Variants in BICC1 observed in about 807,000 individuals in gnomAD.
The protein encoded by BICC1 is BicC family RNA binding protein 1.
A neutral mutation model predicts 111.0 loss-of-function variants in BICC1; 43 were observed. The ratio of observed to expected loss-of-function variants is 0.39; its 90% CI spans 0.30 to 0.50. The LOEUF (loss-of-function observed/expected upper bound fraction) is 0.50. Among genes scored for constraint, BICC1 ranks in the 20% least tolerant of loss-of-function variants. The probability of loss-of-function intolerance (pLI) is 0.88; values close to 1 mark genes in which losing one functional copy is unlikely to be tolerated. For missense variants in BICC1, 1,091 were observed against 1,203.2 expected (o/e 0.91, Z 1.38); for synonymous variants, 467 against 434.4 (o/e 1.07, Z -0.93).
intron 2 of BICC1, among the ~76,000 whole-genome samples, chr10:58,632,068 C>T (rs987974924): frequency 1.3e-5 from 2 of 152,154 alleles, no homozygotes; most frequent in East Asian, 1.9e-4. Flanking sequence ...TGATAGTTTT[C>T]GGTATGTAGT....
chr10:58,578,557 G>A lies in BICC1; in HGVS notation c.191-42298G>A, dbSNP rs1380278746. 2.0e-5 allele frequency among the ~76,000 whole-genome samples: 3 copies of A among 152,198 alleles called. No homozygotes were observed. The East Asian group carries it at 5.8e-4, about 29-fold the overall frequency. On this transcript the variant is annotated intron_variant, in intron 1 of 20. Transcript: ENST00000373886. ...TCCTAAAACAATAACCCACATTCCT[G>A]CCTTAGTAAGCACAGTGGATATGAT... is the stretch of plus-strand genomic sequence containing the variant.
At chr10:58,696,039 A>G (rs983868878) in intron 2 of BICC1, among the ~76,000 whole-genome samples, 5 of 152,192 alleles carry the variant, frequency 3.3e-5, no homozygotes, top group African/African-American at 9.6e-5. Context: ...TAATTACAAA[A>G]AATTTGTAAT....
intron 1 of BICC1, among the ~76,000 whole-genome samples, chr10:58,575,167 G>A (rs1844072861): frequency 6.6e-6 from 1 of 151,918 alleles, no homozygotes; most frequent in Non-Finnish European, 1.5e-5. Flanking sequence ...TTGTCCTAAT[G>A]CTCTTCCCTC....
In BICC1 at chr10:58,761,205, A is replaced by G. The variant is rs1023416195; in HGVS notation, c.308-23796A>G. On this transcript the variant is annotated intron_variant, in intron 3 of 20. Coordinates refer to ENST00000373886, the MANE Select transcript of BICC1 (RefSeq NM_001080512.3). ...CAGAATGACAAGTTTGTGTGAAAGT[A>G]CATGATGCTAAGATACAGATGAAGG... Among the ~76,000 whole-genome samples, 4 of 152,170 alleles carry G rather than the reference A, an allele frequency of 2.6e-5. 1 individual carries two copies. The highest frequency in any genetic ancestry group is 6.5e-5 in the Admixed American group (1 of 15,280).
At chr10:58,762,881 C>G (rs374509441) in intron 3 of BICC1, among the ~76,000 whole-genome samples, 1 of 151,394 alleles carries the variant, frequency 6.6e-6, no homozygotes, top group Non-Finnish European at 1.5e-5. Context: ...GCAATTTCAT[C>G]GTAACACAAA....
At chr10:58,787,875 A>G (rs1271283402) in intron 5 of BICC1, among the ~76,000 whole-genome samples, 3 of 152,196 alleles carry the variant, frequency 2.0e-5, no homozygotes. Flanking sequence ...GCCAAGACTA[A>G]CACCTTGAGT....
rs1031435355 is a variant in BICC1 at position 58,830,677 on chromosome 10, A to G, written c.*1786A>G. ...TAATGGGCCTGTCATAAAATTATCA[A>G]TTATAACTGGCACCGAGGGACTGCC... On this transcript the variant is annotated 3_prime_UTR_variant, in exon 21 of 21. Transcript: ENST00000373886. 4.6e-5 allele frequency: 7 copies of G among 152,162 alleles called. No individual in the cohort carries two copies. Among genetic ancestry groups the G allele is most frequent in the Admixed American group, 2.6e-4 (4 of 15,270 alleles). 9.4% of individuals were successfully genotyped at this position (152,162 alleles called of 1,614,324 possible).
At chr10:58,643,263 CTTATGTGACAGCTGTATGTGT>C (rs886610839) in intron 2 of BICC1, among the ~76,000 whole-genome samples, 1 of 152,174 alleles carries the variant, frequency 6.6e-6, no homozygotes, top group Non-Finnish European at 1.5e-5. Context: ...AATACTCTTG[CTTATGTGACAGCTGTATGTGT>C]CCAAGAGCAT....
rs767545140 is a variant in BICC1, at chr10:58,789,378, A to G, written c.717A>G (p.Val239=). 4.3e-6 allele frequency: 7 copies of G among 1,614,144 alleles called. 1 individual carries two copies. In the South Asian group the frequency reaches 5.5e-5, roughly 13 times the overall value. Residue 239 remains valine, a synonymous_variant, in exon 7 of 21, where the codon GTA becomes GTG. Transcript: ENST00000373886. ...QHISQTYNIS[V]SFKQRSRMYG... is the part of the protein sequence containing the mutation. ...TATCACAAACGTACAATATTTCAGT[A>G]TCATTTAAACAGCGTTCCCGAATGT...
In BICC1 at chr10:58,616,636, G is replaced by T. The variant is rs958917995; in HGVS notation, c.191-4219G>T. On this transcript the variant is annotated intron_variant, in intron 1 of 20. Coordinates refer to ENST00000373886, the MANE Select transcript of BICC1 (RefSeq NM_001080512.3). ...CAAGTGCTGGTGCTGGTAGACACCA[G>T]CACAGATAACGTTTTGGGCATGGAT... Among the ~76,000 whole-genome samples, 8 of 152,204 alleles carry T rather than the reference G, an allele frequency of 5.3e-5. 1 individual carries two copies. The highest frequency in any genetic ancestry group is 1.9e-4 in the African/African-American group (8 of 41,462).
chr10:58,765,223 T>C (rs150427269), intron 3 of BICC1, among the ~76,000 whole-genome samples: 318 of 152,134 alleles, frequency 2.1e-3, no homozygotes, highest in African/African-American at 7.1e-3. Context: ...GGCTAATTTT[T>C]TTTTCTATTT....
chr10:58,708,483 T>C (rs12246988), intron 3 of BICC1, among the ~76,000 whole-genome samples: 3,065 of 151,880 alleles, frequency 0.02, 115 homozygotes, highest in African/African-American at 0.071. Context: ...AGAGGTTTAA[T>C]AGGCAAAAGA....
chr10:58,745,732 G>A (rs1367138866), intron 3 of BICC1, among the ~76,000 whole-genome samples: 1 of 151,204 alleles, frequency 6.6e-6, no homozygotes, highest in East Asian at 2.0e-4. Context: ...ATTACATTAG[G>A]GCCACAGATA....
intron 3 of BICC1, among the ~76,000 whole-genome samples, chr10:58,748,708 C>T (rs896564225): frequency 1.3e-5 from 2 of 152,076 alleles, no homozygotes; most frequent in African/African-American, 2.4e-5. Context: ...GTATTGTACT[C>T]GGTCAGTATT....
At chr10:58,614,071 T>G (rs890041643) in intron 1 of BICC1, among the ~76,000 whole-genome samples, 5 of 152,164 alleles carry the variant, frequency 3.3e-5, no homozygotes, top group African/African-American at 9.7e-5. Flanking sequence ...TGGAAAGACT[T>G]TATATTTTGA....
At chr10:58,645,262 A>T (rs1838231410) in intron 2 of BICC1, among the ~76,000 whole-genome samples, 1 of 152,042 alleles carries the variant, frequency 6.6e-6, no homozygotes, top group African/African-American at 2.4e-5. Flanking sequence ...ACAAAAAATT[A>T]GCTGGGTGTG....
chr10:58,660,824 A>G (rs1838819632), intron 2 of BICC1, among the ~76,000 whole-genome samples: 1 of 152,212 alleles, frequency 6.6e-6, no homozygotes, highest in Admixed American at 6.5e-5. Context: ...AGGCGACTTC[A>G]TGTGCTGCCA....
At chr10:58,753,018 A>C (rs1053929711) in intron 3 of BICC1, among the ~76,000 whole-genome samples, 8 of 152,138 alleles carry the variant, frequency 5.3e-5, no homozygotes, top group Non-Finnish European at 7.4e-5. Flanking sequence ...ATCAGGAAAA[A>C]GTGGGGCGAT....
chr10:58,813,702 C>G (rs1455067018), intron 17 of BICC1, 128 bp from the exon 18 acceptor site: 3 of 956,522 alleles, frequency 3.1e-6, no homozygotes, highest in African/African-American at 1.6e-5. Context: ...AGAGTCAACA[C>G]TCATGAGTAA....
Sources: gnomAD v4.1 joint callset for allele counts (sites outside exome capture counted in the v4.1 genomes callset) on GRCh38, gnomAD v4.1.1 for gene constraint, MANE v1.5 for transcripts, NCBI Gene and HGNC (gene_info 2026-07-23, HGNC 2026-07-21) for gene names.